The following TP63 variants were observed in gnomAD, a reference collection of about 807,000 sequenced individuals.
TP63 encodes the protein tumor protein p63, also known as tumor protein 63.
In TP63, 17 loss-of-function variants were observed where a neutral mutation model predicts 82.8. The observed-to-expected ratio is 0.21, with a 90% CI of 0.14 to 0.31. TP63 has a LOEUF of 0.31. TP63 is among the 10% of genes least tolerant of loss of function. TP63 has a pLI of 1.00. For synonymous variants in TP63, 330 were observed against 321.7 expected, an observed-to-expected ratio of 1.03 and a Z score of -0.28; for missense variants, 648 against 895.3, an observed-to-expected ratio of 0.72 and a Z score of 3.52.
At chr3:189,744,851 T>C (rs1721251747) in intron 3 of TP63, among the ~76,000 whole-genome samples, 2 of 152,164 alleles carry the variant, frequency 1.3e-5, no homozygotes, top group South Asian at 4.1e-4. Flanking sequence ...CAGTGTACAC[T>C]GCCCTAGGGT....
the TP63 span, among the ~76,000 whole-genome samples, chr3:189,605,253 A>G: frequency 2.0e-5 from 3 of 152,250 alleles, no homozygotes; most frequent in Non-Finnish European, 4.4e-5. Flanking sequence ...GATTATGCCA[A>G]CTCAATAGAC....
At chr3:189,611,514 T>G in the TP63 span, among the ~76,000 whole-genome samples, 35 of 152,118 alleles carry the variant, frequency 2.3e-4, no homozygotes, top group Non-Finnish European at 4.9e-4. Context: ...TGTCTGTTTA[T>G]GTACCATGCT....
rs578045620 is a variant in TP63, at chr3:189,719,535, G to A, written c.63-18205G>A. ...TATCATGCCATAAAATGTTATCTTC[G>A]AGTCTAGTCCAGCAAAGTTTTTCTG... On this transcript the variant is annotated intron_variant, in intron 1 of 13. Coordinates refer to ENST00000264731, the MANE Select transcript of TP63 (RefSeq NM_003722.5). Among the ~76,000 whole-genome samples the A allele has an allele frequency of 8.7e-4, 133 of 152,020 alleles. 1 individual carries two copies. Among genetic ancestry groups the A allele is most frequent in the South Asian group, 8.1e-3 (39 of 4,814 alleles).
chr3:189,675,740 C>T (rs1715338058), intron 1 of TP63, among the ~76,000 whole-genome samples: 1 of 152,076 alleles, frequency 6.6e-6, no homozygotes, highest in African/African-American at 2.4e-5. Context: ...GGGTGAGCTG[C>T]ATCAAATAAA....
intron 1 of TP63, among the ~76,000 whole-genome samples, chr3:189,669,485 T>C (rs966337653): frequency 3.3e-5 from 5 of 151,850 alleles, no homozygotes; most frequent in African/African-American, 2.4e-5. Flanking sequence ...AAATAGAAAA[T>C]GTTTTTTGTT....
intron 3 of TP63, among the ~76,000 whole-genome samples, chr3:189,748,880 A>G (rs1257987682): frequency 6.6e-6 from 1 of 152,112 alleles, no homozygotes. Flanking sequence ...ATTAAATTCA[A>G]TATTTCCAGC....
At chr3:189,878,177 A>G (rs775995266) in intron 10 of TP63, among the ~76,000 whole-genome samples, 2 of 152,136 alleles carry the variant, frequency 1.3e-5, no homozygotes, top group Non-Finnish European at 2.9e-5. Flanking sequence ...TATTTTCAGT[A>G]TTATCAATGT....
intron 1 of TP63, among the ~76,000 whole-genome samples, chr3:189,633,885 A>T (rs1729609409): frequency 6.6e-6 from 1 of 152,158 alleles, no homozygotes. Flanking sequence ...ACATTCATTT[A>T]TTTAATGTTG....
intron 4 of TP63, among the ~76,000 whole-genome samples, chr3:189,861,602 CT>C: frequency 6.6e-6 from 1 of 152,162 alleles, no homozygotes; most frequent in East Asian, 1.9e-4. Flanking sequence ...TTTTTCAACT[CT>C]ATCACTTGCT....
chr3:189,888,417 G>T (rs1720687045), intron 11 of TP63, among the ~76,000 whole-genome samples: 1 of 152,062 alleles, frequency 6.6e-6, no homozygotes, highest in Non-Finnish European at 1.5e-5. Flanking sequence ...TAGTGATGAT[G>T]GTTCACATTT....
At position 189,748,586 on chromosome 3, in the gene TP63, A is replaced by G. The variant is rs1350277809; in HGVS notation, c.324+9812A>G. 3.3e-5 allele frequency among the ~76,000 whole-genome samples: 5 copies of G among 151,560 alleles called. No homozygotes were observed. The East Asian group carries it at 9.6e-4, about 29-fold the overall frequency. ...CATTCTATGCTCATGGATTGGAAGAATGAAAATTGTTAAAATGACCATGCT... is the reference window on the plus strand; with the variant it reads ...CATTCTATGCTCATGGATTGGAAGAGTGAAAATTGTTAAAATGACCATGCT... On this transcript the variant is annotated intron_variant, in intron 3 of 13. Coordinates refer to ENST00000264731, the MANE Select transcript of TP63 (RefSeq NM_003722.5).
At chr3:189,836,579 T>A (rs575960104) in intron 4 of TP63, among the ~76,000 whole-genome samples, 1 of 152,320 alleles carries the variant, frequency 6.6e-6, no homozygotes, top group Admixed American at 6.5e-5. Flanking sequence ...TCCTGCTAAT[T>A]TGGTTTTGGT....
At chr3:189,735,659 A>T (rs1381331517) in intron 1 of TP63, among the ~76,000 whole-genome samples, 2 of 152,118 alleles carry the variant, frequency 1.3e-5, no homozygotes, top group East Asian at 1.9e-4. Context: ...ACCTTAACTG[A>T]TGCAGGAACA....
intron 1 of TP63, among the ~76,000 whole-genome samples, chr3:189,736,073 T>C (rs189917177): frequency 3.9e-4 from 58 of 150,226 alleles, no homozygotes; most frequent in African/African-American, 1.3e-3. Flanking sequence ...TTTAAAATAT[T>C]TTGAGATATA....
chr3:189,706,728 A>G (rs2108748415), intron 1 of TP63, among the ~76,000 whole-genome samples: 1 of 152,318 alleles, frequency 6.6e-6, no homozygotes, highest in African/African-American at 2.4e-5. Context: ...CAGCCAGGCG[A>G]ATTTAAAACT....
chr3:189,828,781 T>A (rs1001129903), intron 4 of TP63, among the ~76,000 whole-genome samples: 15 of 152,190 alleles, frequency 9.9e-5, no homozygotes, highest in African/African-American at 3.6e-4. Flanking sequence ...GAGCTAAATC[T>A]TGATATCTTT....
chr3:189,702,273 T>C (rs1200256325), intron 1 of TP63, among the ~76,000 whole-genome samples: 1 of 152,236 alleles, frequency 6.6e-6, no homozygotes, highest in Non-Finnish European at 1.5e-5. Context: ...GAAGATTTAT[T>C]GACAATGAAT....
chr3:189,689,875 TG>T (rs1021613676), intron 1 of TP63, among the ~76,000 whole-genome samples: 2 of 152,172 alleles, frequency 1.3e-5, no homozygotes, highest in African/African-American at 4.8e-5. Flanking sequence ...GGACAGGTAA[TG>T]GCAGGAGAGG....
intron 1 of TP63, among the ~76,000 whole-genome samples, chr3:189,732,238 A>G (rs1250518066): frequency 6.6e-6 from 1 of 152,088 alleles, no homozygotes; most frequent in Non-Finnish European, 1.5e-5. Context: ...CAAGCTGAAA[A>G]TGACTGATCT....
Sources: allele counts gnomAD v4.1 joint callset (sites outside exome capture counted in the v4.1 genomes callset), GRCh38; gene constraint gnomAD v4.1.1; transcripts MANE v1.5; gene names NCBI Gene and HGNC (gene_info 2026-07-23, HGNC 2026-07-21).